Variants in CDC42SE2 observed in about 807,000 individuals in gnomAD.
CDC42SE2 encodes the protein CDC42 small effector protein 2.
In CDC42SE2, 3 loss-of-function variants were observed where a neutral mutation model predicts 11.5. The ratio of observed to expected loss-of-function variants is 0.26; its 90% CI spans 0.12 to 0.67. The LOEUF (loss-of-function observed/expected upper bound fraction) is 0.67. Among genes scored for constraint, CDC42SE2 ranks in the 30% least tolerant of loss-of-function variants. The pLI, the probability that CDC42SE2 is intolerant of heterozygous loss-of-function variation, is 0.80. For missense variants in CDC42SE2, 82 were observed against 106.8 expected, an observed-to-expected ratio of 0.77 and a Z score of 1.02; for synonymous variants, 33 against 34.8, an observed-to-expected ratio of 0.95 and a Z score of 0.18.
At chr5:131,259,275 T>C (rs1447067614), upstream of CDC42SE2, among the ~76,000 whole-genome samples, 1 of 152,184 alleles carries the variant, frequency 6.6e-6, no homozygotes, top group Non-Finnish European at 1.5e-5. Context: ...CATGTATACA[T>C]AATATACACT....
chr5:131,228,278 G>A, the CDC42SE2 span, among the ~76,000 whole-genome samples: 1 of 151,952 alleles, frequency 6.6e-6, no homozygotes, highest in Non-Finnish European at 1.5e-5. Context: ...GTGGTAGGAG[G>A]ATAGCTTGAG....
intron 3 of CDC42SE2, among the ~76,000 whole-genome samples, chr5:131,371,980 C>T (rs987824094): frequency 2.6e-5 from 4 of 152,116 alleles, no homozygotes; most frequent in African/African-American, 7.2e-5. Context: ...TTAATTTATT[C>T]GTTTCCCCCC....
chr5:131,256,613 G>A (rs1292199561), intron 2 of CDC42SE2, among the ~76,000 whole-genome samples: 2 of 152,190 alleles, frequency 1.3e-5, no homozygotes, highest in Non-Finnish European at 2.9e-5. Flanking sequence ...CTGCTCCCAA[G>A]CTCTTTCTGT....
intron 1 of CDC42SE2, among the ~76,000 whole-genome samples, chr5:131,277,937 A>C (rs1757137614): frequency 6.6e-6 from 1 of 152,134 alleles, no homozygotes; most frequent in African/African-American, 2.4e-5. Flanking sequence ...TGGCACCAAA[A>C]GGTGTTCAGT....
chr5:131,288,970 C>T (rs921384057), intron 1 of CDC42SE2, among the ~76,000 whole-genome samples: 4 of 152,138 alleles, frequency 2.6e-5, no homozygotes, highest in South Asian at 2.1e-4. Flanking sequence ...TAATAGTATT[C>T]TGTGTCAGCA....
chr5:131,307,673 A>G (rs1394213605), intron 1 of CDC42SE2, among the ~76,000 whole-genome samples: 6 of 152,276 alleles, frequency 3.9e-5, no homozygotes, highest in African/African-American at 1.4e-4. Context: ...ACTAGTTTAC[A>G]GTCCCACCAA....
intron 1 of CDC42SE2, among the ~76,000 whole-genome samples, chr5:131,285,805 C>T (rs768314639): frequency 2.6e-5 from 4 of 152,140 alleles, no homozygotes; most frequent in Admixed American, 6.6e-5. Context: ...GGTAAGTAGT[C>T]ATAGGAACAC....
chr5:131,313,734 C>G (rs1032472123), intron 1 of CDC42SE2, among the ~76,000 whole-genome samples: 1 of 152,190 alleles, frequency 6.6e-6, no homozygotes, highest in African/African-American at 2.4e-5. Flanking sequence ...ACCTTGAATT[C>G]TGGTTGTATA....
At chr5:131,270,954 TG>T (rs1386157084) in intron 1 of CDC42SE2, among the ~76,000 whole-genome samples, 2 of 151,548 alleles carry the variant, frequency 1.3e-5, no homozygotes, top group Non-Finnish European at 2.9e-5. Context: ...GGGGGGAAGG[TG>T]GGGGAAGGTA....
At chr5:131,333,648 A>G (rs1451310199) in intron 2 of CDC42SE2, among the ~76,000 whole-genome samples, 1 of 152,142 alleles carries the variant, frequency 6.6e-6, no homozygotes, top group Non-Finnish European at 1.5e-5. Context: ...TTCATTGAGC[A>G]ATGGTTTGTA....
intron 2 of CDC42SE2, among the ~76,000 whole-genome samples, chr5:131,328,127 A>G (rs1297209371): frequency 6.6e-6 from 1 of 152,096 alleles, no homozygotes; most frequent in Non-Finnish European, 1.5e-5. Context: ...TCTTTTGGGG[A>G]TTTGGTTTCC....
At chr5:131,245,809 T>C (rs1008879248) in intron 1 of CDC42SE2, among the ~76,000 whole-genome samples, 1 of 152,246 alleles carries the variant, frequency 6.6e-6, no homozygotes, top group East Asian at 1.9e-4. Context: ...TTTATGACAT[T>C]TATGTTTTAT....
At chr5:131,333,238 T>G (rs192358540) in intron 2 of CDC42SE2, among the ~76,000 whole-genome samples, 7 of 152,326 alleles carry the variant, frequency 4.6e-5, no homozygotes, top group Non-Finnish European at 1.0e-4. Context: ...CTTTCCCCAT[T>G]TCTTCTTTTT....
At chr5:131,274,986 A>AC (rs1757072184) in intron 1 of CDC42SE2, among the ~76,000 whole-genome samples, 1 of 152,166 alleles carries the variant, frequency 6.6e-6, no homozygotes, top group South Asian at 2.1e-4. Flanking sequence ...TTCACCTAAA[A>AC]CCATGTAGTC....
chr5:131,241,625 C>G (rs1192059610), upstream of CDC42SE2, among the ~76,000 whole-genome samples: 3 of 152,030 alleles, frequency 2.0e-5, no homozygotes, highest in Non-Finnish European at 4.4e-5. Context: ...ATTGAGCACA[C>G]CCCCTTTGCC....
chr5:131,292,559 CA>C (rs58166806), intron 1 of CDC42SE2, among the ~76,000 whole-genome samples: 37,827 of 117,458 alleles, frequency 0.32, 7,676 homozygotes, highest in African/African-American at 0.64. Context: ...GACTCCATCT[CA>C]AAAAAAAAAA....
the CDC42SE2 span, among the ~76,000 whole-genome samples, chr5:131,221,492 G>T: frequency 6.6e-6 from 1 of 151,468 alleles, no homozygotes; most frequent in African/African-American, 2.4e-5. Flanking sequence ...ATGCAAAGCA[G>T]CACAGCATTA....
chr5:131,261,500 T>C (rs1390136608), upstream of CDC42SE2: 1 of 152,192 alleles, frequency 6.6e-6, no homozygotes, highest in Admixed American at 6.5e-5. Flanking sequence ...ATTAAATGTG[T>C]AAAGAGACTG....
chr5:131,224,378 T>C, the CDC42SE2 span, among the ~76,000 whole-genome samples: 4 of 152,194 alleles, frequency 2.6e-5, no homozygotes, highest in Non-Finnish European at 4.4e-5. Flanking sequence ...GCAGCCTTCA[T>C]GGTAACTGCA....
Sources: allele counts gnomAD v4.1 joint callset (sites outside exome capture counted in the v4.1 genomes callset), GRCh38; gene constraint gnomAD v4.1.1; transcripts MANE v1.5; gene names NCBI Gene and HGNC (gene_info 2026-07-23, HGNC 2026-07-21).